The following ADAMTSL1 variants were observed in gnomAD, a reference collection of about 807,000 sequenced individuals.
The protein encoded by ADAMTSL1 is ADAMTS like 1.
ADAMTSL1 carries 126 observed loss-of-function variants against 201.8 expected under a neutral mutation model. The observed-to-expected ratio is 0.62, with a 90% CI of 0.54 to 0.72. The LOEUF is 0.72. ADAMTSL1 is among the 30% of genes least tolerant of loss of function. The probability of loss-of-function intolerance (pLI) is 0.00; values close to 1 mark genes in which losing one functional copy is unlikely to be tolerated. For synonymous variants in ADAMTSL1, 1,121 were observed against 903.4 expected (o/e 1.24, Z -4.32); for missense variants, 2,679 against 2,277.8 (o/e 1.18, Z -3.59).
chr9:18,848,810 C>A (rs1293537709), intron 23 of ADAMTSL1, among the ~76,000 whole-genome samples: 1 of 152,202 alleles, frequency 6.6e-6, no homozygotes, highest in Non-Finnish European at 1.5e-5. Context: ...CAGCCATAGA[C>A]CATAAGTAAA....
chr9:18,877,416 G>A (rs1347959431), intron 23 of ADAMTSL1, among the ~76,000 whole-genome samples: 1 of 152,166 alleles, frequency 6.6e-6, no homozygotes. Flanking sequence ...TTGTCCCACA[G>A]GGTGCTCCCT....
At chr9:18,265,302 A>C (rs909761873) in intron 2 of ADAMTSL1, among the ~76,000 whole-genome samples, 5 of 151,910 alleles carry the variant, frequency 3.3e-5, no homozygotes, top group African/African-American at 4.8e-5. Flanking sequence ...TCCTCAGTTA[A>C]TTCAGGTCTT....
At chr9:18,150,203 T>C (rs1294064119) in intron 1 of ADAMTSL1, among the ~76,000 whole-genome samples, 1 of 151,978 alleles carries the variant, frequency 6.6e-6, no homozygotes, top group East Asian at 1.9e-4. Context: ...CCAGGAATAA[T>C]TGGTAGAATA....
intron 1 of ADAMTSL1, among the ~76,000 whole-genome samples, chr9:17,964,016 T>C (rs987140584): frequency 2.0e-5 from 3 of 152,132 alleles, no homozygotes; most frequent in Admixed American, 6.6e-5. Context: ...ATGGCACCAA[T>C]TAGACAAAGT....
At chr9:18,853,976 C>G (rs1013663881) in intron 23 of ADAMTSL1, among the ~76,000 whole-genome samples, 13 of 151,600 alleles carry the variant, frequency 8.6e-5, no homozygotes, top group African/African-American at 3.2e-4. Flanking sequence ...GGATTTGTCT[C>G]CAAGATATTG....
intron 1 of ADAMTSL1, among the ~76,000 whole-genome samples, chr9:18,476,712 C>T (rs889877344): frequency 2.6e-5 from 4 of 151,994 alleles, no homozygotes; most frequent in African/African-American, 9.7e-5. Context: ...TGCAAGGATT[C>T]TGTCTATTCT....
At chr9:17,979,311 G>T (rs1818588761) in intron 1 of ADAMTSL1, among the ~76,000 whole-genome samples, 1 of 151,654 alleles carries the variant, frequency 6.6e-6, no homozygotes, top group African/African-American at 2.4e-5. Flanking sequence ...GCACATATTT[G>T]TTCTTTTGAT....
intron 2 of ADAMTSL1, among the ~76,000 whole-genome samples, chr9:18,245,641 C>T (rs1000531101): frequency 1.3e-5 from 2 of 151,782 alleles, no homozygotes; most frequent in Admixed American, 6.6e-5. Flanking sequence ...TCCACCAGCC[C>T]TCCATTGAGT....
chr9:18,026,119 TAG>T (rs1309496497), intron 1 of ADAMTSL1, among the ~76,000 whole-genome samples: 1 of 152,044 alleles, frequency 6.6e-6, no homozygotes, highest in Non-Finnish European at 1.5e-5. Flanking sequence ...GTAGAGTCTT[TAG>T]AGTTTTCTAG....
At chr9:17,978,671 T>C (rs1001281108) in intron 1 of ADAMTSL1, among the ~76,000 whole-genome samples, 9 of 152,184 alleles carry the variant, frequency 5.9e-5, no homozygotes, top group Admixed American at 3.3e-4. Flanking sequence ...AATGCCTTTG[T>C]CTTTTAATCT....
chr9:18,646,046 G>A (rs1017705376), intron 7 of ADAMTSL1, among the ~76,000 whole-genome samples: 6 of 152,048 alleles, frequency 3.9e-5, no homozygotes, highest in Non-Finnish European at 1.5e-5. Context: ...CCATTTGTTT[G>A]TATCCTCTTT....
chr9:18,802,365 C>A (rs1276276419), intron 20 of ADAMTSL1, among the ~76,000 whole-genome samples: 1 of 152,220 alleles, frequency 6.6e-6, no homozygotes, highest in African/African-American at 2.4e-5. Context: ...CTCTTAGCTA[C>A]TACTCCCTAA....
intron 5 of ADAMTSL1, among the ~76,000 whole-genome samples, chr9:18,628,837 T>G (rs1164130213): frequency 6.6e-6 from 1 of 152,196 alleles, no homozygotes; most frequent in African/African-American, 2.4e-5. Context: ...TTGTAACTAT[T>G]GCAAATGGCA....
intron 1 of ADAMTSL1, among the ~76,000 whole-genome samples, chr9:17,997,503 T>C (rs1819431544): frequency 6.6e-6 from 1 of 152,118 alleles, no homozygotes; most frequent in Non-Finnish European, 1.5e-5. Flanking sequence ...TTTACACATA[T>C]GTTGGTAACA....
At chr9:18,853,540 C>G (rs1453269114) in intron 23 of ADAMTSL1, among the ~76,000 whole-genome samples, 1 of 152,184 alleles carries the variant, frequency 6.6e-6, no homozygotes, top group African/African-American at 2.4e-5. Context: ...TCATTTACAT[C>G]TTCACCTTAG....
intron 3 of ADAMTSL1, among the ~76,000 whole-genome samples, chr9:18,558,720 G>T (rs924514661): frequency 2.0e-5 from 3 of 152,010 alleles, no homozygotes; most frequent in Non-Finnish European, 4.4e-5. Context: ...GCATGATATG[G>T]TATCTCATTA....
At chr9:17,995,390 T>G (rs1394784276) in intron 1 of ADAMTSL1, among the ~76,000 whole-genome samples, 1 of 152,114 alleles carries the variant, frequency 6.6e-6, no homozygotes, top group Non-Finnish European at 1.5e-5. Context: ...CTGCATTATT[T>G]TTTGCTGGCA....
chr9:18,170,097 T>C (rs1208900632), intron 2 of ADAMTSL1, among the ~76,000 whole-genome samples: 1 of 152,052 alleles, frequency 6.6e-6, no homozygotes, highest in East Asian at 1.9e-4. Context: ...GTGGGGTTTT[T>C]AAGTGTTATT....
chr9:18,563,038 C>T (rs186341982), intron 3 of ADAMTSL1, among the ~76,000 whole-genome samples: 64 of 152,280 alleles, frequency 4.2e-4, no homozygotes, highest in Non-Finnish European at 6.8e-4. Context: ...AACTCATTCC[C>T]CATCCAGTTT....
Sources: gnomAD v4.1 joint callset for allele counts (sites outside exome capture counted in the v4.1 genomes callset) on GRCh38, gnomAD v4.1.1 for gene constraint, MANE v1.5 for transcripts, NCBI Gene and HGNC (gene_info 2026-07-23, HGNC 2026-07-21) for gene names.